The following ROR1 variants were observed in gnomAD, a reference collection of about 807,000 sequenced individuals.
The protein encoded by ROR1 is ROR family WNT receptor 1.
A neutral mutation model predicts 78.8 loss-of-function variants in ROR1; 19 were observed. That is an observed-to-expected ratio of 0.24 (90% CI 0.17 to 0.35). The LOEUF is 0.35. ROR1 is among the 10% of genes least tolerant of loss of function. The probability of loss-of-function intolerance (pLI) is 1.00; values close to 1 mark genes in which losing one functional copy is unlikely to be tolerated. For synonymous variants in ROR1, 386 were observed against 433.6 expected, an observed-to-expected ratio of 0.89 and a Z score of 1.36; for missense variants, 917 against 1,177.8, an observed-to-expected ratio of 0.78 and a Z score of 3.24.
chr1:63,844,151 G>A (rs982741764), intron 1 of ROR1, among the ~76,000 whole-genome samples: 1 of 152,182 alleles, frequency 6.6e-6, no homozygotes, highest in African/African-American at 2.4e-5. Context: ...ATGGGTTGGT[G>A]AGGAATTAAT....
intron 1 of ROR1, among the ~76,000 whole-genome samples, chr1:63,903,227 C>T (rs1052827720): frequency 2.0e-5 from 3 of 152,160 alleles, no homozygotes; most frequent in Admixed American, 6.6e-5. Flanking sequence ...TAAACTTAAT[C>T]GGCAGTTAGC....
intron 4 of ROR1, among the ~76,000 whole-genome samples, chr1:64,051,710 TTATC>T (rs980742372): frequency 3.6e-4 from 55 of 152,172 alleles, no homozygotes; most frequent in East Asian, 3.9e-4. Context: ...GCATTTTTCT[TTATC>T]TATATTTTTA....
chr1:64,140,021 G>A (rs1425926451), intron 5 of ROR1, 88 bp from the exon 6 acceptor site: 2 of 1,212,396 alleles, frequency 1.6e-6, no homozygotes, highest in Admixed American at 2.1e-5. Context: ...TCCTTGCAAT[G>A]TGTGTTTATA....
intron 2 of ROR1, among the ~76,000 whole-genome samples, chr1:64,023,616 G>T (rs1474133883): frequency 6.6e-6 from 1 of 152,098 alleles, no homozygotes; most frequent in Non-Finnish European, 1.5e-5. Flanking sequence ...AAAGTAAAAT[G>T]AAGCCAAAAT....
intron 1 of ROR1, among the ~76,000 whole-genome samples, chr1:63,912,383 T>C (rs1272421850): frequency 1.3e-5 from 2 of 151,980 alleles, no homozygotes; most frequent in African/African-American, 4.8e-5. Flanking sequence ...AGATAAAGTT[T>C]ATTATAATGC....
chr1:64,102,837 C>T (rs1324621131), intron 4 of ROR1, among the ~76,000 whole-genome samples: 1 of 152,180 alleles, frequency 6.6e-6, no homozygotes, highest in Non-Finnish European at 1.5e-5. Context: ...CTGTGTATTA[C>T]AGGCTGCTTA....
intron 1 of ROR1, among the ~76,000 whole-genome samples, chr1:63,970,632 G>A (rs1288790167): frequency 6.6e-6 from 1 of 152,182 alleles, no homozygotes; most frequent in Non-Finnish European, 1.5e-5. Flanking sequence ...TACATGGGCT[G>A]CTGTCTAAGA....
Position 63,823,838 on chromosome 1 carries a change from C to A in ROR1, c.91+49330C>A, listed in dbSNP as rs1644938254. ...TCCCGGCTTACTGCAACCTCTGCCTCCCGGGTTCAAGCCATTCTCCTGTCT... is the reference window on the plus strand; with the variant it reads ...TCCCGGCTTACTGCAACCTCTGCCTACCGGGTTCAAGCCATTCTCCTGTCT... On this transcript the variant is annotated intron_variant, in intron 1 of 8. Transcript: ENST00000371079. 2.0e-5 allele frequency among the ~76,000 whole-genome samples: 3 copies of A among 151,944 alleles called. No individual in the cohort carries two copies. The South Asian group carries it at 6.2e-4, about 32-fold the overall frequency.
intron 2 of ROR1, among the ~76,000 whole-genome samples, chr1:64,033,371 A>G (rs1176320790): frequency 6.6e-6 from 1 of 152,230 alleles, no homozygotes; most frequent in East Asian, 1.9e-4. Context: ...TTCACAGATG[A>G]GTAAACTGAG....
chr1:64,048,717 CTTA>C (rs894219714), intron 2 of ROR1, among the ~76,000 whole-genome samples: 1 of 152,140 alleles, frequency 6.6e-6, no homozygotes, highest in Admixed American at 6.5e-5. Context: ...TTAAATAAAA[CTTA>C]TTTTGTTATT....
At chr1:63,886,587 T>G (rs1174159905) in intron 1 of ROR1, among the ~76,000 whole-genome samples, 1 of 152,162 alleles carries the variant, frequency 6.6e-6, no homozygotes, top group Non-Finnish European at 1.5e-5. Context: ...ATCTCCACAC[T>G]CAGTTCCTGG....
chr1:63,943,172 A>C (rs931336094), intron 1 of ROR1, among the ~76,000 whole-genome samples: 3 of 151,730 alleles, frequency 2.0e-5, no homozygotes, highest in Non-Finnish European at 2.9e-5. Context: ...GAATGAATGA[A>C]TAGGTACACA....
At chr1:64,034,594 C>A (rs1381110927) in intron 2 of ROR1, among the ~76,000 whole-genome samples, 2 of 152,118 alleles carry the variant, frequency 1.3e-5, no homozygotes, top group African/African-American at 4.8e-5. Context: ...CTATTCTCTC[C>A]ATTCTACTCC....
At chr1:63,823,999 C>T (rs762199942) in intron 1 of ROR1, among the ~76,000 whole-genome samples, 112 of 152,260 alleles carry the variant, frequency 7.4e-4, no homozygotes, top group Non-Finnish European at 1.2e-3. Flanking sequence ...CCACCCACCT[C>T]GGCCTCCCAA....
intron 1 of ROR1, among the ~76,000 whole-genome samples, chr1:63,784,689 C>T (rs1427022460): frequency 2.0e-5 from 3 of 152,184 alleles, no homozygotes; most frequent in Non-Finnish European, 2.9e-5. Context: ...TACGTAACCT[C>T]TGAGACTGGC....
intron 4 of ROR1, among the ~76,000 whole-genome samples, chr1:64,079,763 T>C (rs1208988235): frequency 6.6e-6 from 1 of 152,190 alleles, no homozygotes; most frequent in Non-Finnish European, 1.5e-5. Context: ...ATTATAAGCA[T>C]GAGCCACCGT....
In ROR1 at chr1:63,975,687, C is replaced by T. The variant is rs551104772; in HGVS notation, c.92-33618C>T. Reference sequence around the variant, plus strand: ...AATTTCTGAGCGTTATGTAATTTCTCCCTGGCTTTGAGCTCCCGTGATCCT... The same window carrying T: ...AATTTCTGAGCGTTATGTAATTTCTTCCTGGCTTTGAGCTCCCGTGATCCT... On this transcript the variant is annotated intron_variant, in intron 1 of 8. Transcript: ENST00000371079. Among the ~76,000 whole-genome samples the T allele has an allele frequency of 1.1e-4, 16 of 152,304 alleles. No individual in the cohort carries two copies. The South Asian group carries it at 3.3e-3, about 32-fold the overall frequency.
intron 1 of ROR1, among the ~76,000 whole-genome samples, chr1:63,791,928 A>G (rs549296969): frequency 3.6e-4 from 55 of 152,296 alleles, no homozygotes; most frequent in African/African-American, 1.3e-3. Flanking sequence ...ACAGATATTT[A>G]CGTGGCAGGC....
chr1:64,109,464 C>G (rs1647984540), intron 4 of ROR1, among the ~76,000 whole-genome samples: 1 of 152,104 alleles, frequency 6.6e-6, no homozygotes, highest in Non-Finnish European at 1.5e-5. Flanking sequence ...TGACTCAAGC[C>G]CTGAGCTCCA....
Sources: allele counts gnomAD v4.1 joint callset (sites outside exome capture counted in the v4.1 genomes callset), GRCh38; gene constraint gnomAD v4.1.1; transcripts MANE v1.5; gene names NCBI Gene and HGNC (gene_info 2026-07-23, HGNC 2026-07-21).